SMOC2: variants seen among roughly 807,000 people sequenced by gnomAD.
The protein encoded by SMOC2 is SPARC related modular calcium binding 2, also known as SPARC-related modular calcium-binding protein 2.
Under a neutral mutation model 61.4 loss-of-function variants are expected in SMOC2, and 39 were observed. The ratio of observed to expected loss-of-function variants is 0.64; its 90% CI spans 0.49 to 0.83. The LOEUF is 0.83. SMOC2 is among the 40% of genes least tolerant of loss of function. SMOC2 has a pLI of 0.00. For synonymous variants in SMOC2, 247 were observed against 239.9 expected, an observed-to-expected ratio of 1.03 and a Z score of -0.27; for missense variants, 556 against 592.9, an observed-to-expected ratio of 0.94 and a Z score of 0.65.
At chr6:168,471,265 T>G (rs1032652627) in intron 1 of SMOC2, among the ~76,000 whole-genome samples, 7 of 152,240 alleles carry the variant, frequency 4.6e-5, no homozygotes, top group Non-Finnish European at 8.8e-5. Flanking sequence ...CTCTATCAGT[T>G]TGCTCCGAGA....
chr6:168,570,161 C>T (rs191673322), intron 7 of SMOC2, among the ~76,000 whole-genome samples: 16 of 152,052 alleles, frequency 1.1e-4, no homozygotes, highest in African/African-American at 3.6e-4. Context: ...GGGCTCAGCT[C>T]TGGAACTGGG....
rs146188888 is a variant in SMOC2 at position 168,510,072 on chromosome 6, G to C, written c.242G>C (p.Arg81Pro). 6.2e-7 allele frequency: 1 copy of C among 1,613,918 alleles called. No homozygotes were observed. Among genetic ancestry groups the C allele is most frequent in the Non-Finnish European group, 8.5e-7 (1 of 1,179,920 alleles). The part of the protein sequence containing the change: ...CKDPQLEIAY[R>P]GNCKDVSRCV... ...GATCCCCAGCTAGAGATTGCATATCGAGGAAACTGCAAAGGTAAGCTGCTG... is the reference window on the plus strand; with the variant it reads ...GATCCCCAGCTAGAGATTGCATATCCAGGAAACTGCAAAGGTAAGCTGCTG... The change falls in exon 2 of 13, where the codon CGA becomes CCA. Residue 81 changes from arginine (R) to proline (P), a missense_variant. Physicochemically the swap from Arg to Pro is moderately radical, Grantham distance 103 (BLOSUM62 -2). Coordinates refer to ENST00000356284, the MANE Select transcript of SMOC2 (RefSeq NM_001166412.2).
At chr6:168,594,884 A>C (rs1404434565) in intron 7 of SMOC2, among the ~76,000 whole-genome samples, 12 of 10,840 alleles carry the variant, frequency 1.1e-3, no homozygotes, top group African/African-American at 2.3e-3. Flanking sequence ...CTGAGGCCTC[A>C]CGGGCATCTT....
Position 168,475,454 on chromosome 6 carries a change from A to C in SMOC2, c.84+34000A>C, listed in dbSNP as rs1415899904. ...CCCTCCCCCACCCCACCAGGTCGTG[A>C]TCCCTGAGGGAAGCATGGTCTCATG... On this transcript the variant is annotated intron_variant, in intron 1 of 12. Transcript: ENST00000356284. The surrounding 1 kb of genome is among the most constrained non-coding windows in gnomAD (Gnocchi z 4.6). Among the ~76,000 whole-genome samples, 1 of 152,062 alleles carries C rather than the reference A, an allele frequency of 6.6e-6. No homozygotes were observed. The highest frequency in any genetic ancestry group is 2.4e-5 in the African/African-American group (1 of 41,414).
intron 1 of SMOC2, among the ~76,000 whole-genome samples, chr6:168,503,457 TCCTGTGAGGCA>T (rs1202281412): frequency 1.3e-5 from 2 of 152,098 alleles, no homozygotes; most frequent in Non-Finnish European, 2.9e-5. Context: ...GTCTCTGTGC[TCCTGTGAGGCA>T]CCTCCGTCAG....
intron 8 of SMOC2, among the ~76,000 whole-genome samples, chr6:168,600,434 CAAAAAA>C (rs965875287): frequency 3.9e-5 from 1 of 25,380 alleles, no homozygotes; most frequent in Non-Finnish European, 1.0e-4. Flanking sequence ...AAAAAAAAAA[CAAAAAA>C]AAAAACAGTA....
chr6:168,498,290 A>C (rs1237378189), intron 1 of SMOC2, among the ~76,000 whole-genome samples: 1 of 152,190 alleles, frequency 6.6e-6, no homozygotes, highest in Admixed American at 6.5e-5. Flanking sequence ...ATTTTAGTGT[A>C]ATTTGCTCTA....
At chr6:168,567,551 A>T (rs1411879351) in intron 7 of SMOC2, among the ~76,000 whole-genome samples, 1 of 152,120 alleles carries the variant, frequency 6.6e-6, no homozygotes, top group Non-Finnish European at 1.5e-5. Context: ...TTGAATATCT[A>T]GTATATGCTC....
At chr6:168,605,670 A>G (rs1785668330) in intron 8 of SMOC2, among the ~76,000 whole-genome samples, 1 of 152,174 alleles carries the variant, frequency 6.6e-6, no homozygotes, top group South Asian at 2.1e-4. Context: ...TGGCTTCCTG[A>G]TTGCTTCGAA....
chr6:168,599,198 A>ACACACACACTCATACC (rs71830836), intron 8 of SMOC2, among the ~76,000 whole-genome samples, 194 bp downstream of exon 8: 17,502 of 127,448 alleles, frequency 0.14, 1,525 homozygotes, highest in East Asian at 0.3. Flanking sequence ...CACTCATACC[A>ACACACACACTCATACC]CACACACACT....
chr6:168,599,441 ACACATTCG>A (rs1785450172), intron 8 of SMOC2, among the ~76,000 whole-genome samples: 1 of 113,926 alleles, frequency 8.8e-6, no homozygotes, highest in African/African-American at 3.5e-5. Context: ...ACACTCACAC[ACACATTCG>A]TACCCCCACA....
chr6:168,654,064 T>A (rs532235839), intron 11 of SMOC2, among the ~76,000 whole-genome samples: 52 of 39,448 alleles, frequency 1.3e-3, no homozygotes, highest in African/African-American at 2.5e-3. Flanking sequence ...CCAACCCTGC[T>A]CCTGAGCTCC....
At position 168,650,755 on chromosome 6, in the gene SMOC2, G is replaced by T; in HGVS notation, c.982G>T (p.Ala328Ser). ...GCTGTCCACGGACATGGTCCACGCC[G>T]CCTCCGACCCCTCCTCCTCGTCAGG... ...DALSTDMVHA[A>S]SDPSSSSGRL... Residue 328 changes from alanine (A) to serine (S), a missense_variant, in exon 10 of 13, where the codon GCC (alanine) becomes TCC (serine). Ala to Ser is a moderately conservative substitution (Grantham distance 99). Transcript: ENST00000356284. 2 of 1,612,518 alleles carry T rather than the reference G, an allele frequency of 1.2e-6. No homozygotes were observed. The highest frequency in any genetic ancestry group is 1.3e-5 in the African/African-American group (1 of 75,050).
chr6:168,477,896 C>T (rs910375590), intron 1 of SMOC2, among the ~76,000 whole-genome samples: 4 of 152,166 alleles, frequency 2.6e-5, no homozygotes, highest in Admixed American at 1.3e-4. Context: ...GCGACCCACT[C>T]GATTCTTCTT....
chr6:168,611,628 G>A (rs1356246216), intron 9 of SMOC2, among the ~76,000 whole-genome samples: 9 of 110,808 alleles, frequency 8.1e-5, no homozygotes, highest in Non-Finnish European at 1.1e-4. Context: ...TCCCATGTCC[G>A]GGACCCACCG....
intron 1 of SMOC2, among the ~76,000 whole-genome samples, chr6:168,449,053 G>T (rs1272338408): frequency 2.0e-5 from 3 of 151,576 alleles, no homozygotes; most frequent in Non-Finnish European, 4.4e-5. Context: ...TTCTTTCTTC[G>T]CTCACATGGA....
At chr6:168,649,661 T>A (rs976730363) in intron 9 of SMOC2, among the ~76,000 whole-genome samples, 1 of 152,204 alleles carries the variant, frequency 6.6e-6, no homozygotes, top group Non-Finnish European at 1.5e-5. Flanking sequence ...TTTTGCTCCC[T>A]GCTTGTGAAG....
At chr6:168,519,847 C>G (rs981239971) in intron 2 of SMOC2, among the ~76,000 whole-genome samples, 1 of 152,222 alleles carries the variant, frequency 6.6e-6, no homozygotes, top group Non-Finnish European at 1.5e-5. Context: ...TAAAGGCTGT[C>G]TGAATACTGT....
At chr6:168,456,158 G>A (rs866012196) in intron 1 of SMOC2, among the ~76,000 whole-genome samples, 1 of 152,242 alleles carries the variant, frequency 6.6e-6, no homozygotes, top group African/African-American at 2.4e-5. Flanking sequence ...TGAGCTCTGC[G>A]AAGTGACTTC....
Sources: gnomAD v4.1 joint callset for allele counts (sites outside exome capture counted in the v4.1 genomes callset) on GRCh38, gnomAD v4.1.1 for gene constraint, Gnocchi (gnomAD v3.1) non-coding constraint, MANE v1.5 for transcripts, NCBI Gene and HGNC (gene_info 2026-07-23, HGNC 2026-07-21) for gene names.